Variants in METTL9 observed in about 807,000 individuals in gnomAD.
The protein encoded by METTL9 is protein-L-histidine N-pros-methyltransferase.
In METTL9, 10 loss-of-function variants were observed where a neutral mutation model predicts 36.0. The ratio of observed to expected loss-of-function variants is 0.28; its 90% CI spans 0.17 to 0.47. METTL9 has a LOEUF of 0.47. METTL9 is among the 20% of genes least tolerant of loss of function. The probability of loss-of-function intolerance (pLI) is 0.99; values close to 1 mark genes in which losing one functional copy is unlikely to be tolerated. For synonymous variants in METTL9, 175 were observed against 149.7 expected (o/e 1.17, Z -1.23); for missense variants, 246 against 383.5 (o/e 0.64, Z 3.00).
At chr16:21,655,029 A>G in intron 4 of METTL9, 198 bp from the exon 5 acceptor site, 1 of 595,404 alleles carries the variant, frequency 1.7e-6, no homozygotes, top group Non-Finnish European at 3.0e-6. Context: ...AGCGTGGGCA[A>G]GTTCTTCACC....
At chr16:21,630,119 C>T (rs1965915341) in intron 4 of METTL9, among the ~76,000 whole-genome samples, 1 of 152,230 alleles carries the variant, frequency 6.6e-6, no homozygotes, top group African/African-American at 2.4e-5. Flanking sequence ...GAAAAGTTCT[C>T]CAGGTCCCCA....
intron 4 of METTL9, among the ~76,000 whole-genome samples, chr16:21,625,508 C>T (rs925034800): frequency 1.3e-5 from 2 of 152,102 alleles, no homozygotes; most frequent in Non-Finnish European, 2.9e-5. Flanking sequence ...TTTTGTTTTC[C>T]GTTTTGCATC....
intron 4 of METTL9, among the ~76,000 whole-genome samples, chr16:21,627,845 G>A (rs1965849684): frequency 6.6e-6 from 1 of 151,970 alleles, no homozygotes; most frequent in Non-Finnish European, 1.5e-5. Flanking sequence ...TCCAGCTACT[G>A]GGGAGGCTGA....
At chr16:21,623,355 A>G (rs894037957) in intron 3 of METTL9, among the ~76,000 whole-genome samples, 1 of 152,226 alleles carries the variant, frequency 6.6e-6, no homozygotes, top group Non-Finnish European at 1.5e-5. Context: ...TCTAAATATC[A>G]TTATGCTAAT....
intron 4 of METTL9, among the ~76,000 whole-genome samples, chr16:21,643,393 C>T (rs562986897): frequency 6.6e-6 from 1 of 152,238 alleles, no homozygotes; most frequent in Non-Finnish European, 1.5e-5. Flanking sequence ...CATTGAGTTT[C>T]TCAACAATAG....
At chr16:21,647,386 G>C (rs749455636) in intron 4 of METTL9, 11 of 1,613,974 alleles carry the variant, frequency 6.8e-6, no homozygotes, top group Admixed American at 1.7e-5. Context: ...GCTCAGAAGG[G>C]CATCCGGTTG....
chr16:21,625,082 C>G lies in METTL9; in HGVS notation c.718C>G (p.Leu240Val), dbSNP rs1430700276. The change falls in exon 4 of 5, where the codon CTT (leucine) becomes GTT (valine). Residue 240 changes from leucine to valine, a missense_variant. Coordinates refer to ENST00000358154, the MANE Select transcript of METTL9 (RefSeq NM_016025.5). Reference sequence around the variant, plus strand: ...AACTAGAGGCAGGGTCATCCTTGCCCTTGTCCTCCCCTTTCATCCCTATGT... The same window carrying G: ...AACTAGAGGCAGGGTCATCCTTGCCGTTGTCCTCCCCTTTCATCCCTATGT... ...EPTRGRVILA[L>V]VLPFHPYVEN... The G allele has an allele frequency of 6.2e-7, 1 of 1,614,066 alleles. No individual in the cohort carries two copies. The highest frequency in any genetic ancestry group is 8.5e-7 in the Non-Finnish European group (1 of 1,180,046).
chr16:21,646,847 G>C (rs373301867), intron 4 of METTL9: 5 of 402,314 alleles, frequency 1.2e-5, no homozygotes, highest in Middle Eastern at 1.5e-3. Flanking sequence ...GTAGAGATGG[G>C]GTTTCACCAT....
intron 4 of METTL9, among the ~76,000 whole-genome samples, chr16:21,650,742 C>T (rs1966552195): frequency 6.6e-6 from 1 of 152,030 alleles, no homozygotes; most frequent in Non-Finnish European, 1.5e-5. Context: ...CTCCCCCAAC[C>T]AGTTAGGCAA....
chr16:21,645,205 C>A (rs1222331517), intron 4 of METTL9, among the ~76,000 whole-genome samples: 2 of 152,160 alleles, frequency 1.3e-5, no homozygotes, highest in African/African-American at 4.8e-5. Flanking sequence ...GTAATCCCAG[C>A]ACTTTGAGAG....
chr16:21,626,935 A>G (rs977514422), intron 4 of METTL9: 1 of 984,126 alleles, frequency 1.0e-6, no homozygotes, highest in Non-Finnish European at 1.2e-6. Context: ...TTCTGATGCT[A>G]AAAATGGAGA....
chr16:21,615,855 A>G (rs1965543095), intron 2 of METTL9, among the ~76,000 whole-genome samples: 2 of 152,188 alleles, frequency 1.3e-5, no homozygotes, highest in African/African-American at 2.4e-5. Flanking sequence ...ACTGTAATAT[A>G]TGAACAATTG....
intron 4 of METTL9, among the ~76,000 whole-genome samples, chr16:21,649,631 CTCAAG>C (rs1443146725): frequency 6.6e-6 from 1 of 152,212 alleles, no homozygotes; most frequent in Non-Finnish European, 1.5e-5. Flanking sequence ...CTGTCTCAGT[CTCAAG>C]TCATCTTTCA....
chr16:21,627,437 G>A lies in METTL9; in HGVS notation c.751+2322G>A, dbSNP rs1016816108. 3 of 957,662 alleles carry A rather than the reference G, an allele frequency of 3.1e-6. No homozygotes were observed. The African/African-American group carries it at 5.3e-5, about 17-fold the overall frequency. The allele number at this position is 957,662 out of a possible 1,614,324, so 59.3% of individuals were successfully genotyped here. A position where few individuals can be genotyped will look rare whatever the true frequency, so the allele number is the denominator to read the frequency against. On this transcript the variant is annotated intron_variant, in intron 4 of 4. Transcript: ENST00000358154. Reference sequence around the variant, plus strand: ...TACCATTCTAATTTCAGTTTATTTGGTTTACTGACCCAGTTTTGGCTAGGG... The same window carrying A: ...TACCATTCTAATTTCAGTTTATTTGATTTACTGACCCAGTTTTGGCTAGGG...
chr16:21,641,476 C>T, intron 4 of METTL9: 1 of 972,320 alleles, frequency 1.0e-6, no homozygotes. Flanking sequence ...TGTTCATTAA[C>T]ACTGCCATAG....
At chr16:21,605,872 T>C (rs1328504491) in intron 1 of METTL9, among the ~76,000 whole-genome samples, 1 of 152,146 alleles carries the variant, frequency 6.6e-6, no homozygotes, top group Non-Finnish European at 1.5e-5. Context: ...CTTTACAGAG[T>C]TAAGAGCTCA....
At chr16:21,642,762 C>G (rs1050138987) in intron 4 of METTL9, among the ~76,000 whole-genome samples, 1 of 152,148 alleles carries the variant, frequency 6.6e-6, no homozygotes, top group African/African-American at 2.4e-5. Flanking sequence ...ATGCAGGATA[C>G]TGTACAGAGT....
intron 4 of METTL9, among the ~76,000 whole-genome samples, chr16:21,638,636 A>G (rs1966167811): frequency 6.6e-6 from 1 of 152,210 alleles, no homozygotes; most frequent in Non-Finnish European, 1.5e-5. Flanking sequence ...AATGGCAGGA[A>G]ATTGTGGTAA....
intron 1 of METTL9, among the ~76,000 whole-genome samples, chr16:21,607,261 G>C (rs1448105848): frequency 6.6e-6 from 1 of 152,108 alleles, no homozygotes; most frequent in East Asian, 1.9e-4. Context: ...TTTTAGTAGA[G>C]ACGGGGTTTC....
Sources: allele counts gnomAD v4.1 joint callset (sites outside exome capture counted in the v4.1 genomes callset), GRCh38; gene constraint gnomAD v4.1.1; transcripts MANE v1.5; gene names NCBI Gene and HGNC (gene_info 2026-07-23, HGNC 2026-07-21).